Variants in RPS6KA5 observed in about 807,000 individuals in gnomAD.
The protein encoded by RPS6KA5 is ribosomal protein S6 kinase A5.
Under a neutral mutation model 85.5 loss-of-function variants are expected in RPS6KA5, and 27 were observed. The observed-to-expected ratio is 0.32, with a 90% CI of 0.23 to 0.44. The LOEUF (loss-of-function observed/expected upper bound fraction) is 0.44, where lower values mean the gene tolerates loss of function less well. RPS6KA5 is among the 20% of genes least tolerant of loss of function. The pLI is 1.00. For synonymous variants in RPS6KA5, 334 were observed against 348.2 expected, an observed-to-expected ratio of 0.96 and a Z score of 0.46; for missense variants, 811 against 980.9, an observed-to-expected ratio of 0.83 and a Z score of 2.31.
chr14:90,961,880 A>G (rs1366312506), intron 3 of RPS6KA5, among the ~76,000 whole-genome samples: 2 of 152,192 alleles, frequency 1.3e-5, no homozygotes, highest in Non-Finnish European at 2.9e-5. Context: ...TTTTCCTAAG[A>G]GGTTATCATT....
Position 90,996,028 on chromosome 14 carries a change from G to A in RPS6KA5, c.175+5060C>T, listed in dbSNP as rs73326572. 5.3e-3 allele frequency among the ~76,000 whole-genome samples: 812 copies of A among 152,190 alleles called. 3 individuals are homozygous for A. Among genetic ancestry groups the A allele is most frequent in the African/African-American group, 0.019 (773 of 41,532 alleles). On this transcript the variant is annotated intron_variant, in intron 2 of 16. Transcript: ENST00000614987. The stretch of plus-strand genomic sequence containing the variant: ...TTGAGCCCAGAAGTTCAAAACTATA[G>A]TGAGACAGGGTCTCGCTCTATCTCC...
intron 7 of RPS6KA5, among the ~76,000 whole-genome samples, chr14:90,916,545 T>C (rs1438290419): frequency 6.6e-6 from 1 of 152,046 alleles, no homozygotes. Flanking sequence ...ATTAAGACAC[T>C]GGGGACAGAT....
chr14:91,032,341 C>T (rs2042216983), intron 1 of RPS6KA5, among the ~76,000 whole-genome samples: 1 of 152,204 alleles, frequency 6.6e-6, no homozygotes, highest in African/African-American at 2.4e-5. Context: ...TTCCTGGCTC[C>T]AGACTCCCTG....
chr14:91,040,669 A>T (rs1343626488), intron 1 of RPS6KA5, among the ~76,000 whole-genome samples: 2 of 152,176 alleles, frequency 1.3e-5, no homozygotes, highest in Non-Finnish European at 2.9e-5. Flanking sequence ...ACAAGAAAAC[A>T]GGGCTGACAA....
chr14:90,853,456 T>C lies in RPS6KA5; in HGVS notation c.*18618A>G, dbSNP rs1282989776. On this transcript the variant is annotated 3_prime_UTR_variant, in exon 17 of 17. Transcript: ENST00000614987. ...TCTAGATAAAAGTCAACCAAATAAA[T>C]AAGATGCATCCCTTAAGTAACAACA... 1 of 151,450 alleles carries C rather than the reference T, an allele frequency of 6.6e-6. No individual in the cohort carries two copies. Among genetic ancestry groups the C allele is most frequent in the Non-Finnish European group, 1.5e-5 (1 of 67,904 alleles). 9.4% of individuals were successfully genotyped at this position (151,450 alleles called of 1,614,324 possible). A position where few individuals can be genotyped will look rare whatever the true frequency, so the allele number is the denominator to read the frequency against.
chr14:90,874,931 G>C (rs992220753), intron 15 of RPS6KA5, among the ~76,000 whole-genome samples: 12 of 152,124 alleles, frequency 7.9e-5, no homozygotes, highest in Non-Finnish European at 1.5e-5. Context: ...TGTTTGGGGG[G>C]AAGGACAGTC....
Position 90,864,409 on chromosome 14 carries a change from G to A in RPS6KA5, c.*7665C>T, listed in dbSNP as rs1049414774. 2.0e-5 allele frequency: 3 copies of A among 152,190 alleles called. No individual in the cohort carries two copies. Among genetic ancestry groups the A allele is most frequent in the African/African-American group, 7.2e-5 (3 of 41,438 alleles). 9.4% of individuals were successfully genotyped at this position (152,190 alleles called of 1,614,324 possible). A position where few individuals can be genotyped will look rare whatever the true frequency, so the allele number is the denominator to read the frequency against. On this transcript the variant is annotated 3_prime_UTR_variant, in exon 17 of 17. Coordinates refer to ENST00000614987, the MANE Select transcript of RPS6KA5 (RefSeq NM_004755.4). ...CCTGGCTTGGCCTCCCAAAGCACTA[G>A]GATTACAGGCATGAGCCACCTCACC...
In RPS6KA5 at chr14:90,879,821, C is replaced by T. The variant is rs748648146; in HGVS notation, c.1837-4461G>A. On this transcript the variant is annotated intron_variant, in intron 14 of 16. Coordinates refer to ENST00000614987, the MANE Select transcript of RPS6KA5 (RefSeq NM_004755.4). ...TTTTTGAGTTGGAGTCTCGCTCTGTCGCCCAGGCTAGACTGCAGTGGCACG... is the reference window on the plus strand; with the variant it reads ...TTTTTGAGTTGGAGTCTCGCTCTGTTGCCCAGGCTAGACTGCAGTGGCACG... Among the ~76,000 whole-genome samples the T allele has an allele frequency of 2.1e-4, 30 of 145,604 alleles. 1 individual carries two copies. The highest frequency in any genetic ancestry group is 6.1e-4 in the East Asian group (3 of 4,952).
chr14:90,894,341 T>G, intron 13 of RPS6KA5, 72 bp downstream of exon 13: 2 of 1,409,724 alleles, frequency 1.4e-6, no homozygotes, highest in Admixed American at 2.5e-5. Flanking sequence ...CCCCAGAAAC[T>G]TCCCCCATGT....
At chr14:90,971,665 C>T (rs1229361650) in intron 3 of RPS6KA5, among the ~76,000 whole-genome samples, 2 of 152,120 alleles carry the variant, frequency 1.3e-5, no homozygotes, top group Admixed American at 6.5e-5. Flanking sequence ...GCAAACAAGG[C>T]GAATTTAATC....
intron 7 of RPS6KA5, 49 bp from the exon 8 acceptor site, chr14:90,906,348 A>AAAAT: frequency 6.8e-7 from 1 of 1,477,952 alleles, no homozygotes; most frequent in Non-Finnish European, 9.1e-7. Flanking sequence ...TGACAAAAAA[A>AAAAT]AAAAAAAGCA....
chr14:91,051,084 C>T (rs1286282057), intron 1 of RPS6KA5, among the ~76,000 whole-genome samples: 1 of 151,766 alleles, frequency 6.6e-6, no homozygotes, highest in Non-Finnish European at 1.5e-5. Flanking sequence ...CAAAAATAAG[C>T]TAAGCGTGGC....
chr14:90,929,057 C>T (rs1032147565), intron 5 of RPS6KA5, among the ~76,000 whole-genome samples: 4 of 152,020 alleles, frequency 2.6e-5, no homozygotes, highest in African/African-American at 7.2e-5. Flanking sequence ...AAAATCTATT[C>T]ATATAATTCA....
At chr14:91,028,603 C>T (rs1355435511) in intron 1 of RPS6KA5, among the ~76,000 whole-genome samples, 1 of 151,938 alleles carries the variant, frequency 6.6e-6, no homozygotes, top group Non-Finnish European at 1.5e-5. Context: ...ACTGTAAGCT[C>T]TGCCTCCCAG....
At chr14:90,943,217 T>G in intron 4 of RPS6KA5, 32 bp from the exon 5 acceptor site, 34 of 1,220,308 alleles carry the variant, frequency 2.8e-5, no homozygotes, top group Middle Eastern at 2.0e-4. Context: ...AATTTTAAAA[T>G]AATTTACAAA....
chr14:90,978,523 A>G lies in RPS6KA5; in HGVS notation c.177T>C (p.Ala59=), dbSNP rs1240961750. ...TACGAACTAGAAATACTTTTCCATA[A>G]GCTGAAAATGAAAAGAAAAAATAAA... The part of the protein sequence containing the change: ...FELLKVLGTG[A]YGKVFLVRKI... Residue 59 remains alanine (A), a splice_region_variant and synonymous_variant, in exon 3 of 17, where the codon GCT becomes GCC. Transcript: ENST00000614987. 2 of 1,573,156 alleles carry G rather than the reference A, an allele frequency of 1.3e-6. No homozygotes were observed. The highest frequency in any genetic ancestry group is 1.4e-5 in the African/African-American group (1 of 73,142).
rs1489246389 is a variant in RPS6KA5, at chr14:90,852,338, G to A, written c.*19736C>T. ...CTCGACCTCGTGATCTGCCCGCCTC[G>A]GCCTCCCAACACTTTTGTTTAAAAA... On this transcript the variant is annotated 3_prime_UTR_variant, in exon 17 of 17. Coordinates refer to ENST00000614987, the MANE Select transcript of RPS6KA5 (RefSeq NM_004755.4). The A allele has an allele frequency of 6.6e-6, 1 of 151,624 alleles. No individual in the cohort carries two copies. Among genetic ancestry groups the A allele is most frequent in the African/African-American group, 2.4e-5 (1 of 41,262 alleles). 9.4% of individuals were successfully genotyped at this position (151,624 alleles called of 1,614,324 possible).
At chr14:90,917,392 CACAT>C (rs754527754) in intron 7 of RPS6KA5, among the ~76,000 whole-genome samples, 25 of 151,960 alleles carry the variant, frequency 1.6e-4, no homozygotes, top group African/African-American at 5.3e-4. Context: ...ATAAAATTCC[CACAT>C]ACAAAGTATA....
At chr14:90,902,650 C>T (rs552790588) in intron 9 of RPS6KA5, among the ~76,000 whole-genome samples, 158 bp downstream of exon 9, 49 of 152,210 alleles carry the variant, frequency 3.2e-4, no homozygotes, top group African/African-American at 1.1e-3. Flanking sequence ...CTATAAGCTT[C>T]GGTTAACAAT....
Sources: allele counts gnomAD v4.1 joint callset (sites outside exome capture counted in the v4.1 genomes callset), GRCh38; gene constraint gnomAD v4.1.1; transcripts MANE v1.5; gene names NCBI Gene and HGNC (gene_info 2026-07-23, HGNC 2026-07-21).